The following ACSL4 variants were observed in gnomAD, a reference collection of about 807,000 sequenced individuals.
The protein encoded by ACSL4 is long-chain-fatty-acid--CoA ligase 4.
Under a neutral mutation model 49.1 loss-of-function variants are expected in ACSL4, and 9 were observed. The ratio of observed to expected loss-of-function variants is 0.18; its 90% CI spans 0.11 to 0.32. The LOEUF is 0.32. Ranked by LOEUF, ACSL4 falls within the 10% of genes least tolerant of loss-of-function variation. The pLI is 1.00. For synonymous variants in ACSL4, 191 were observed against 170.3 expected (o/e 1.12, Z -0.95); for missense variants, 333 against 493.7 (o/e 0.67, Z 3.08).
chrX:109,670,753 G>C (rs1473625208), intron 9 of ACSL4, among the ~76,000 whole-genome samples: 3 of 111,608 alleles, frequency 2.7e-5, no homozygotes, highest in African/African-American at 9.8e-5. Context: ...AGCCTGCCGA[G>C]TGCCTGGGAT....
At chrX:109,694,561 G>C (rs1196641534) in intron 2 of ACSL4, among the ~76,000 whole-genome samples, 1 of 111,783 alleles carries the variant, frequency 8.9e-6, no homozygotes, top group East Asian at 2.8e-4. Context: ...TGTTTTGCCA[G>C]GCATGAATTT....
chrX:109,678,550 C>G, intron 6 of ACSL4, 135 bp from the exon 7 acceptor site: 1 of 794,469 alleles, frequency 1.3e-6, no homozygotes, highest in Non-Finnish European at 1.8e-6. Flanking sequence ...TCAAAACGAG[C>G]TGGGTGAGGT....
At chrX:109,662,249 T>C (rs1922234543) in intron 13 of ACSL4, among the ~76,000 whole-genome samples, 1 of 111,342 alleles carries the variant, frequency 9.0e-6, no homozygotes, top group Non-Finnish European at 1.9e-5. Flanking sequence ...GGAATGAGTA[T>C]GAGTGCTGAT....
intron 15 of ACSL4, among the ~76,000 whole-genome samples, chrX:109,648,147 T>C (rs1244499445): frequency 9.3e-6 from 1 of 107,873 alleles, no homozygotes; most frequent in Non-Finnish European, 1.9e-5. Flanking sequence ...CAATAGAAAA[T>C]GAGGGAATCC....
chrX:109,644,702 C>G (rs1934568757), intron 15 of ACSL4, among the ~76,000 whole-genome samples: 1 of 112,603 alleles, frequency 8.9e-6, no homozygotes, highest in Middle Eastern at 4.2e-3. Flanking sequence ...ACGAACAGCT[C>G]TGGTCTACAG....
chrX:109,710,209 A>T (rs1490564020), intron 1 of ACSL4, among the ~76,000 whole-genome samples: 1 of 112,466 alleles, frequency 8.9e-6, no homozygotes. Context: ...TTTCTTTTGC[A>T]AAAATATCCT....
chrX:109,690,138 C>T (rs1180646553), intron 2 of ACSL4, among the ~76,000 whole-genome samples: 1 of 112,371 alleles, frequency 8.9e-6, no homozygotes, highest in African/African-American at 3.2e-5. Context: ...ACTGGAAAAA[C>T]TGCCTGTTGC....
At chrX:109,692,311 T>C (rs1218575736) in intron 2 of ACSL4, among the ~76,000 whole-genome samples, 5 of 112,027 alleles carry the variant, frequency 4.5e-5, no homozygotes, top group Non-Finnish European at 7.5e-5. Flanking sequence ...CTGTGTATAA[T>C]TATACATCTA....
intron 1 of ACSL4, among the ~76,000 whole-genome samples, chrX:109,696,583 G>A (rs958665322): frequency 2.7e-5 from 3 of 112,615 alleles, no homozygotes; most frequent in South Asian, 3.7e-4. Flanking sequence ...ACAGATGACT[G>A]TAGGCATCTA....
At chrX:109,646,305 A>T (rs1934695081) in intron 15 of ACSL4, among the ~76,000 whole-genome samples, 1 of 112,214 alleles carries the variant, frequency 8.9e-6, no homozygotes, top group African/African-American at 3.2e-5. Flanking sequence ...GAAGCCCATC[A>T]GACTAACAGC....
At chrX:109,647,817 C>T (rs1197018494) in intron 15 of ACSL4, among the ~76,000 whole-genome samples, 17 of 110,277 alleles carry the variant, frequency 1.5e-4, no homozygotes, top group Middle Eastern at 4.2e-3. Context: ...ATCAAATAGA[C>T]GCAATAAAAA....
chrX:109,667,695 G>A (rs944387002), intron 11 of ACSL4, among the ~76,000 whole-genome samples: 1 of 111,570 alleles, frequency 9.0e-6, no homozygotes, highest in Non-Finnish European at 1.9e-5. Flanking sequence ...TCAGGAGTTC[G>A]AGACCAGCCT....
At chrX:109,728,910 T>G (rs1928208018) in intron 1 of ACSL4, among the ~76,000 whole-genome samples, 1 of 111,538 alleles carries the variant, frequency 9.0e-6, no homozygotes, top group Non-Finnish European at 1.9e-5. Flanking sequence ...TGACAAATGA[T>G]TAGTATTAAG....
At chrX:109,669,931 G>A (rs1276116646) in intron 9 of ACSL4, among the ~76,000 whole-genome samples, 1 of 111,479 alleles carries the variant, frequency 9.0e-6, no homozygotes, top group African/African-American at 3.3e-5. Context: ...TATAGTTTAA[G>A]CATTTCTATT....
At chrX:109,663,139 G>A in intron 13 of ACSL4, 72 bp downstream of exon 13, 2 of 938,190 alleles carry the variant, frequency 2.1e-6, no homozygotes, top group East Asian at 3.1e-5. Flanking sequence ...ATTAATGACT[G>A]ATCAATATTA....
intron 1 of ACSL4, among the ~76,000 whole-genome samples, chrX:109,723,867 G>C (rs1927751220): frequency 1.8e-5 from 2 of 112,541 alleles, no homozygotes; most frequent in Admixed American, 1.9e-4. Flanking sequence ...TTTGTTAAAA[G>C]TGGATATTAA....
chrX:109,721,763 A>G (rs889836640), intron 1 of ACSL4, among the ~76,000 whole-genome samples: 1 of 110,784 alleles, frequency 9.0e-6, no homozygotes, highest in Admixed American at 9.6e-5. Flanking sequence ...GAAAAGAAAA[A>G]AGAAGAAACA....
At chrX:109,727,904 G>A (rs1603413100) in intron 1 of ACSL4, among the ~76,000 whole-genome samples, 1 of 111,830 alleles carries the variant, frequency 8.9e-6, no homozygotes. Context: ...AAAACCGGTG[G>A]TGGGCAGGAT....
At position 109,681,900 on chromosome X, in the gene ACSL4, A is replaced by C. The variant is rs187043198; in HGVS notation, c.407-525T>G. Among the ~76,000 whole-genome samples, 191 of 111,929 alleles carry C rather than the reference A, an allele frequency of 1.7e-3. 1 individual carries two copies. Among genetic ancestry groups the C allele is most frequent in the African/African-American group, 5.8e-3 (178 of 30,829 alleles). On this transcript the variant is annotated intron_variant, in intron 4 of 15. Coordinates refer to ENST00000672401, the MANE Select transcript of ACSL4 (RefSeq NM_001318510.2). ...CCTCCACACCTTAATTAGAGAGATC[A>C]AGGAGATCTACTCCTTAGGAGCCAC...
Sources: gnomAD v4.1 joint callset for allele counts (sites outside exome capture counted in the v4.1 genomes callset) on GRCh38, gnomAD v4.1.1 for gene constraint, MANE v1.5 for transcripts, NCBI Gene and HGNC (gene_info 2026-07-23, HGNC 2026-07-21) for gene names.